Variants in CDH2 observed in about 807,000 individuals in gnomAD.
CDH2 encodes cadherin-2.
CDH2 carries 17 observed loss-of-function variants against 92.0 expected under a neutral mutation model. The ratio of observed to expected loss-of-function variants is 0.18; its 90% CI spans 0.13 to 0.28. CDH2 has a LOEUF of 0.28. Ranked by LOEUF, CDH2 falls within the 10% of genes least tolerant of loss-of-function variation. The pLI, the probability that CDH2 is intolerant of heterozygous loss-of-function variation, is 1.00. For synonymous variants in CDH2, 419 were observed against 415.9 expected (o/e 1.01, Z -0.09); for missense variants, 862 against 1,133.1 (o/e 0.76, Z 3.44).
At chr18:28,086,385 A>G (rs1351128945) in intron 2 of CDH2, among the ~76,000 whole-genome samples, 3 of 151,954 alleles carry the variant, frequency 2.0e-5, no homozygotes, top group African/African-American at 7.3e-5. Flanking sequence ...AACTTTGCTA[A>G]TTTCCTTTAT....
chr18:28,152,012 T>A (rs2144335146), intron 1 of CDH2, among the ~76,000 whole-genome samples: 1 of 152,342 alleles, frequency 6.6e-6, no homozygotes, highest in African/African-American at 2.4e-5. Flanking sequence ...ATTCTTCTTC[T>A]TTTTCTTGCT....
chr18:27,969,099 A>C (rs182671689), intron 14 of CDH2, among the ~76,000 whole-genome samples: 35 of 152,344 alleles, frequency 2.3e-4, no homozygotes, highest in Admixed American at 3.9e-4. Context: ...TATGACGGTA[A>C]CTATCTTCAC....
chr18:28,150,649 G>A (rs2016106871), intron 1 of CDH2, among the ~76,000 whole-genome samples: 1 of 152,124 alleles, frequency 6.6e-6, no homozygotes, highest in Non-Finnish European at 1.5e-5. Flanking sequence ...GGTTGGCCAT[G>A]AGAATTATTG....
intron 14 of CDH2, among the ~76,000 whole-genome samples, chr18:27,966,042 T>G (rs912737214): frequency 6.7e-6 from 1 of 149,840 alleles, no homozygotes; most frequent in African/African-American, 2.5e-5. Context: ...ATTTTAATGC[T>G]TTCACACTAA....
At chr18:27,963,746 A>G (rs1365952928) in intron 14 of CDH2, 2 of 502,664 alleles carry the variant, frequency 4.0e-6, no homozygotes, top group Admixed American at 3.2e-5. Flanking sequence ...CTGCTTTACA[A>G]TGTTCCTCAT....
chr18:27,933,386 A>C (rs1255053265), intron 6 of CDH2, among the ~76,000 whole-genome samples: 1 of 152,052 alleles, frequency 6.6e-6, no homozygotes, highest in Non-Finnish European at 1.5e-5. Context: ...ACTTTCAACT[A>C]TTCATCTATA....
At chr18:27,975,405 C>T (rs2011791975) in intron 14 of CDH2, among the ~76,000 whole-genome samples, 2 of 152,240 alleles carry the variant, frequency 1.3e-5, no homozygotes, top group Admixed American at 6.5e-5. Context: ...AGGACATTTT[C>T]TTGACCTCTT....
At chr18:28,034,983 A>T (rs2013790587) in intron 2 of CDH2, among the ~76,000 whole-genome samples, 1 of 152,060 alleles carries the variant, frequency 6.6e-6, no homozygotes, top group Non-Finnish European at 1.5e-5. Context: ...AAACAGGTGT[A>T]ACTCTGGAAA....
intron 2 of CDH2, chr18:28,097,373 TAAA>T (rs34258746): frequency 0.53 from 79,008 of 148,626 alleles, 21,184 homozygotes; most frequent in Admixed American, 0.58. Context: ...TTCCTTTTTT[TAAA>T]AAAAAAAAAA....
intron 2 of CDH2, among the ~76,000 whole-genome samples, chr18:28,088,673 T>TTC (rs2014981937): frequency 6.6e-6 from 1 of 152,048 alleles, no homozygotes; most frequent in South Asian, 2.1e-4. Context: ...GGAAGAGGGT[T>TTC]TCTAGCACAG....
intron 2 of CDH2, among the ~76,000 whole-genome samples, chr18:28,143,658 G>A (rs2015989263): frequency 7.3e-6 from 1 of 136,540 alleles, no homozygotes; most frequent in Non-Finnish European, 1.6e-5. Flanking sequence ...TGGATATTTA[G>A]GCTGGATCCT....
intron 2 of CDH2, among the ~76,000 whole-genome samples, chr18:28,035,841 T>C (rs1222897026): frequency 6.6e-6 from 1 of 152,018 alleles, no homozygotes; most frequent in Non-Finnish European, 1.5e-5. Context: ...GAGTTGAAAA[T>C]ATAAAAGTGA....
intron 2 of CDH2, among the ~76,000 whole-genome samples, chr18:28,137,225 A>T (rs11083251): frequency 1.3e-5 from 2 of 151,958 alleles, no homozygotes; most frequent in Non-Finnish European, 2.9e-5. Context: ...CTCAGGGAGG[A>T]GCAGCAGAGA....
At chr18:28,158,271 A>C (rs2016252623) in intron 1 of CDH2, among the ~76,000 whole-genome samples, 1 of 152,238 alleles carries the variant, frequency 6.6e-6, no homozygotes, top group Non-Finnish European at 1.5e-5. Flanking sequence ...GCCAGAGTTC[A>C]AAGCCTTTCC....
At position 27,952,053 on chromosome 18, in the gene CDH2, G is replaced by A. The variant is rs1909479482; in HGVS notation, c.*100C>T. On this transcript the variant is annotated 3_prime_UTR_variant, in exon 16 of 16. Transcript: ENST00000269141. ...TGCCAAAGCCTCCAGCAAGCACTGT[G>A]CTAGTAGACTACAAAGTTAAAGCCT... is the stretch of plus-strand genomic sequence containing the variant. 5.8e-6 allele frequency: 6 copies of A among 1,041,160 alleles called. No individual in the cohort carries two copies. Among genetic ancestry groups the A allele is most frequent in the Non-Finnish European group, 8.9e-6 (6 of 671,546 alleles). 64.5% of individuals were successfully genotyped at this position (1,041,160 alleles called of 1,614,324 possible). A position where few individuals can be genotyped will look rare whatever the true frequency, so the allele number is the denominator to read the frequency against.
intron 15 of CDH2, among the ~76,000 whole-genome samples, chr18:27,955,780 TAAA>T (rs2011233243): frequency 7.0e-6 from 1 of 143,204 alleles, no homozygotes; most frequent in East Asian, 2.1e-4. Flanking sequence ...TTTTTTTTTT[TAAA>T]GAGGTTAAGG....
At chr18:28,000,853 C>T (rs2012742582) in intron 7 of CDH2, among the ~76,000 whole-genome samples, 2 of 151,044 alleles carry the variant, frequency 1.3e-5, no homozygotes. Context: ...AGCACGAGAA[C>T]ACACATTACT....
intron 2 of CDH2, among the ~76,000 whole-genome samples, chr18:28,054,391 T>C (rs1479625963): frequency 6.6e-6 from 1 of 152,148 alleles, no homozygotes; most frequent in African/African-American, 2.4e-5. Context: ...ACAGGAACAA[T>C]GACATGCATT....
chr18:28,103,140 TTA>T (rs953567114), intron 2 of CDH2, among the ~76,000 whole-genome samples: 12 of 140,056 alleles, frequency 8.6e-5, no homozygotes, highest in Non-Finnish European at 1.7e-4. Flanking sequence ...AATAAACTCC[TTA>T]TATATATATA....
Sources: allele counts gnomAD v4.1 joint callset (sites outside exome capture counted in the v4.1 genomes callset), GRCh38; gene constraint gnomAD v4.1.1; transcripts MANE v1.5; gene names NCBI Gene and HGNC (gene_info 2026-07-23, HGNC 2026-07-21).